The following PRELID2 variants were observed in gnomAD, a reference collection of about 807,000 sequenced individuals.
PRELID2 encodes the protein PRELI domain containing 2, also known as PRELI domain-containing protein 2.
In PRELID2, 25 loss-of-function variants were observed where a neutral mutation model predicts 28.4. The observed-to-expected ratio is 0.88, with a 90% CI of 0.64 to 1.23. The LOEUF is 1.23. PRELID2 is among the 50% of genes most tolerant of loss of function. The pLI is 0.00. For missense variants in PRELID2, 201 were observed against 214.4 expected, an observed-to-expected ratio of 0.94 and a Z score of 0.39; for synonymous variants, 76 against 71.6, an observed-to-expected ratio of 1.06 and a Z score of -0.31.
chr5:145,314,551 A>T, the PRELID2 span, among the ~76,000 whole-genome samples: 1 of 152,036 alleles, frequency 6.6e-6, no homozygotes, highest in South Asian at 2.1e-4. Flanking sequence ...GTTTTGAAGG[A>T]ACTTTTATTT....
At chr5:145,485,115 C>T (rs1461158026) in intron 1 of PRELID2, among the ~76,000 whole-genome samples, 1 of 152,162 alleles carries the variant, frequency 6.6e-6, no homozygotes. Flanking sequence ...TTCAAACAGT[C>T]ATACATGCTA....
chr5:145,482,882 T>C (rs1752175257), intron 1 of PRELID2, among the ~76,000 whole-genome samples: 1 of 151,740 alleles, frequency 6.6e-6, no homozygotes, highest in African/African-American at 2.4e-5. Flanking sequence ...GGGTTCGCGC[T>C]CCTATGAGAA....
At chr5:145,601,189 C>T (rs1211467010) in intron 1 of PRELID2, among the ~76,000 whole-genome samples, 1 of 151,454 alleles carries the variant, frequency 6.6e-6, no homozygotes, top group Non-Finnish European at 1.5e-5. Context: ...AAAATAAGCA[C>T]CAGAAATATT....
intron 1 of PRELID2, among the ~76,000 whole-genome samples, chr5:145,606,667 T>C (rs1753509095): frequency 6.6e-6 from 1 of 152,138 alleles, no homozygotes; most frequent in South Asian, 2.1e-4. Context: ...TTCAACTTGC[T>C]AGTATTTTGG....
chr5:145,520,954 C>T (rs182322569), intron 1 of PRELID2, among the ~76,000 whole-genome samples: 7 of 152,242 alleles, frequency 4.6e-5, no homozygotes, highest in South Asian at 2.1e-4. Flanking sequence ...TTTGCATTAA[C>T]GTGTTCCCAT....
the PRELID2 span, among the ~76,000 whole-genome samples, chr5:145,242,940 T>C: frequency 2.2e-3 from 342 of 152,248 alleles, 1 homozygote; most frequent in African/African-American, 8.0e-3. Flanking sequence ...TATATACATA[T>C]TTAAATACCA....
the PRELID2 span, among the ~76,000 whole-genome samples, chr5:145,274,870 A>C: frequency 6.6e-6 from 1 of 152,158 alleles, no homozygotes; most frequent in African/African-American, 2.4e-5. Context: ...AAAGAACAGA[A>C]ATTTACTTTC....
At chr5:145,384,087 G>A in the PRELID2 span, among the ~76,000 whole-genome samples, 5 of 152,144 alleles carry the variant, frequency 3.3e-5, no homozygotes, top group African/African-American at 1.2e-4. Context: ...CTTTGAGTAA[G>A]TGAAAGTGAG....
At chr5:145,379,893 G>T in the PRELID2 span, among the ~76,000 whole-genome samples, 1 of 152,122 alleles carries the variant, frequency 6.6e-6, no homozygotes, top group Non-Finnish European at 1.5e-5. Context: ...TAGATCCCCA[G>T]GAGAGACCAG....
Position 145,790,721 on chromosome 5 carries a change from G to GTGTATA in PRELID2, c.474+5720_474+5721insTATACA, listed in dbSNP as rs772901344. Among the ~76,000 whole-genome samples, 420 of 110,894 alleles carry GTGTATA rather than the reference G, an allele frequency of 3.8e-3. 1 individual carries two copies. The highest frequency in any genetic ancestry group is 0.012 in the African/African-American group (387 of 32,674). The allele number at this position is 110,894 out of a possible 152,430, so 72.8% of individuals were successfully genotyped here. A position where few individuals can be genotyped will look rare whatever the true frequency, so the allele number is the denominator to read the frequency against. On this transcript the variant is annotated intron_variant, in intron 5 of 6. Transcript: ENST00000683046. ...CCACATTGTGTGTGTGTGTGTGTGTGTATATATATATATATATATATATAT... is the reference window on the plus strand; with the variant it reads ...CCACATTGTGTGTGTGTGTGTGTGTGTGTATATATATATATATATATATATATATAT...
At position 145,758,520 on chromosome 5, in the gene PRELID2, C is replaced by T. The variant is rs1757330405; in HGVS notation, c.*2016G>A. ...ACCCAGGCATCAGAATTGCAGAAAG[C>T]TCCCCAAGCAATCCTAACAGACAGC... is the stretch of plus-strand genomic sequence containing the variant. On this transcript the variant is annotated 3_prime_UTR_variant, in exon 7 of 7. Coordinates refer to ENST00000683046, the MANE Select transcript of PRELID2 (RefSeq NM_205846.3). Among the ~76,000 whole-genome samples the T allele has an allele frequency of 6.6e-6, 1 of 152,118 alleles. No individual in the cohort carries two copies. The highest frequency in any genetic ancestry group is 2.4e-5 in the African/African-American group (1 of 41,412).
At chr5:145,369,905 T>C in the PRELID2 span, among the ~76,000 whole-genome samples, 2 of 152,004 alleles carry the variant, frequency 1.3e-5, no homozygotes, top group African/African-American at 2.4e-5. Context: ...GTTTGTTCGC[T>C]GCATGTCTTC....
Position 145,479,639 on chromosome 5 carries a change from T to C in PRELID2, n.71-6324A>G, listed in dbSNP as rs145285333. On this transcript the variant is annotated intron_variant and non_coding_transcript_variant, in intron 1 of 2. Coordinates refer to the PRELID2 transcript ENST00000510259. ...CGCCTGGTGCACAGTAAGTGCTCAG[T>C]AAATATGTATTGGACTAATGTTGAA... Among the ~76,000 whole-genome samples, 225 of 152,338 alleles carry C rather than the reference T, an allele frequency of 1.5e-3. 1 individual carries two copies. The highest frequency in any genetic ancestry group is 5.3e-3 in the African/African-American group (220 of 41,582).
chr5:145,487,313 C>T (rs898446853), intron 1 of PRELID2, among the ~76,000 whole-genome samples: 25 of 151,846 alleles, frequency 1.6e-4, no homozygotes, highest in Non-Finnish European at 2.9e-4. Context: ...ACAGAGCATA[C>T]GGGATTTCCA....
chr5:145,490,753 T>C (rs1023057316), intron 1 of PRELID2, among the ~76,000 whole-genome samples: 12 of 152,204 alleles, frequency 7.9e-5, no homozygotes, highest in African/African-American at 2.9e-4. Flanking sequence ...TAAAACAGGA[T>C]AAATTACTTT....
intron 1 of PRELID2, among the ~76,000 whole-genome samples, chr5:145,692,412 C>T (rs1354436575): frequency 2.6e-5 from 4 of 152,012 alleles, no homozygotes; most frequent in Non-Finnish European, 2.9e-5. Flanking sequence ...TCATGTGTAA[C>T]CCTGCTGTGT....
At chr5:145,433,062 T>C in the PRELID2 span, among the ~76,000 whole-genome samples, 1 of 152,120 alleles carries the variant, frequency 6.6e-6, no homozygotes, top group African/African-American at 2.4e-5. Context: ...AGACATTACT[T>C]ACTAAGATGC....
intron 1 of PRELID2, among the ~76,000 whole-genome samples, chr5:145,663,714 A>AC (rs1362472995): frequency 1.3e-5 from 2 of 152,090 alleles, no homozygotes; most frequent in Non-Finnish European, 1.5e-5. Flanking sequence ...CTGAATCCTA[A>AC]CCCCGACTTC....
At chr5:145,815,816 A>G (rs1297009310) in intron 4 of PRELID2, among the ~76,000 whole-genome samples, 1 of 152,212 alleles carries the variant, frequency 6.6e-6, no homozygotes. Context: ...CAGTTGATGG[A>G]CATTGGCTTG....
Sources: allele counts gnomAD v4.1 joint callset (sites outside exome capture counted in the v4.1 genomes callset), GRCh38; gene constraint gnomAD v4.1.1; transcripts MANE v1.5; gene names NCBI Gene and HGNC (gene_info 2026-07-23, HGNC 2026-07-21).